PCDHA7: variants seen among roughly 807,000 people sequenced by gnomAD.
PCDHA7 encodes protocadherin alpha 7, also known as protocadherin alpha-7.
PCDHA7 carries 37 observed loss-of-function variants against 57.2 expected under a neutral mutation model. The observed-to-expected ratio is 0.65, with a 90% CI of 0.50 to 0.85. The LOEUF is 0.85. Ranked by LOEUF, PCDHA7 falls within the 40% of genes least tolerant of loss-of-function variation. The probability of loss-of-function intolerance (pLI) is 0.00; values close to 1 mark genes in which losing one functional copy is unlikely to be tolerated. For missense variants in PCDHA7, 1,188 were observed against 1,241.8 expected (o/e 0.96, Z 0.65); for synonymous variants, 553 against 558.8 (o/e 0.99, Z 0.15).
chr5:140,916,561 G>A (rs1038683507), intron 1 of PCDHA7, among the ~76,000 whole-genome samples: 9 of 152,180 alleles, frequency 5.9e-5, no homozygotes, highest in African/African-American at 2.2e-4. Context: ...TTTGTCCAGG[G>A]TGTGTCTAGA....
At chr5:140,892,469 A>T (rs557049666) in intron 1 of PCDHA7, among the ~76,000 whole-genome samples, 1 of 152,184 alleles carries the variant, frequency 6.6e-6, no homozygotes, top group Admixed American at 6.5e-5. Context: ...ACGGTTATTC[A>T]GTTTCCTAGC....
At position 141,010,065 on chromosome 5, in the gene PCDHA7, A is replaced by G; in HGVS notation, c.*128A>G. The stretch of plus-strand genomic sequence containing the variant: ...CTTAGAGACCTCAGAAATCTGCAGA[A>G]AGTTCCCTGTGTCTGTCTAGAACGC... On this transcript the variant is annotated 3_prime_UTR_variant, in exon 4 of 4. Coordinates refer to ENST00000525929, the MANE Select transcript of PCDHA7 (RefSeq NM_018910.3). The G allele has an allele frequency of 1.9e-6, 3 of 1,603,546 alleles. No homozygotes were observed. The highest frequency in any genetic ancestry group is 1.1e-5 in the South Asian group (1 of 89,360).
chr5:140,856,231 C>G, intron 1 of PCDHA7: 1 of 1,597,900 alleles, frequency 6.3e-7, no homozygotes. Flanking sequence ...TGGTGCAGCG[C>G]CTGTTCCGGG....
chr5:140,966,800 G>T, intron 1 of PCDHA7: 1 of 1,540,654 alleles, frequency 6.5e-7, no homozygotes, highest in East Asian at 2.4e-5. Flanking sequence ...TGCGGCGACA[G>T]AGCATCCACG....
At chr5:140,858,366 G>A (rs2045372675) in intron 1 of PCDHA7, 1 of 1,590,834 alleles carries the variant, frequency 6.3e-7, no homozygotes, top group Admixed American at 1.7e-5. Flanking sequence ...TTCAGCCCCA[G>A]CCTTCCACCA....
chr5:140,855,491 A>G (rs251361), intron 1 of PCDHA7, among the ~76,000 whole-genome samples: 72,952 of 149,084 alleles, frequency 0.49, 20,776 homozygotes, highest in South Asian at 0.61. Flanking sequence ...TTAGTGTCTA[A>G]ATAAACCTTA....
chr5:140,869,894 T>A lies in PCDHA7; in HGVS notation c.2355+33156T>A, dbSNP rs1234875307. 5 of 1,610,472 alleles carry A rather than the reference T, an allele frequency of 3.1e-6. No individual in the cohort carries two copies. The African/African-American group carries it at 4.0e-5, about 13-fold the overall frequency. On this transcript the variant is annotated intron_variant, in intron 1 of 3. Coordinates refer to ENST00000525929, the MANE Select transcript of PCDHA7 (RefSeq NM_018910.3). ...GCTAAAGAAACTCTTGTGCTCAAAC[T>A]AAACGCCACAGACCGAGACGAAGGA...
At chr5:140,987,429 G>A (rs1402576200) in intron 3 of PCDHA7, among the ~76,000 whole-genome samples, 1 of 152,096 alleles carries the variant, frequency 6.6e-6, no homozygotes, top group Non-Finnish European at 1.5e-5. Context: ...GAAGCAGGGG[G>A]CCTTTCCCCA....
Position 140,849,909 on chromosome 5 carries a change from T to A in PCDHA7, c.2355+13171T>A. ...CGTGAAGGAGAACAACCCGCCGGGC[T>A]GCCACATCTTCACGGTGTCTGCGCG... On this transcript the variant is annotated intron_variant, in intron 1 of 3. Coordinates refer to ENST00000525929, the MANE Select transcript of PCDHA7 (RefSeq NM_018910.3). The A allele has an allele frequency of 3.8e-6, 6 of 1,598,300 alleles. 2 individuals carry two copies. The highest frequency in any genetic ancestry group is 5.1e-6 in the Non-Finnish European group (6 of 1,167,786).
At chr5:140,847,063 C>T (rs1366357065) in intron 1 of PCDHA7, among the ~76,000 whole-genome samples, 2 of 149,510 alleles carry the variant, frequency 1.3e-5, no homozygotes, top group Non-Finnish European at 3.0e-5. Flanking sequence ...CAGAAAGCAT[C>T]AATATGACAA....
At position 140,878,750 on chromosome 5, in the gene PCDHA7, T is replaced by A. The variant is rs143616284; in HGVS notation, c.2355+42012T>A. ...AGCCTTATATCTACTTTCTTACATATCTTTAGTTTAGGATCTGGAATATAG... is the reference window on the plus strand; with the variant it reads ...AGCCTTATATCTACTTTCTTACATAACTTTAGTTTAGGATCTGGAATATAG... On this transcript the variant is annotated intron_variant, in intron 1 of 3. Coordinates refer to ENST00000525929, the MANE Select transcript of PCDHA7 (RefSeq NM_018910.3). Among the ~76,000 whole-genome samples, 863 of 152,338 alleles carry A rather than the reference T, an allele frequency of 5.7e-3. 5 individuals are homozygous for A. Among genetic ancestry groups the A allele is most frequent in the Middle Eastern group, 0.014 (4 of 294 alleles).
intron 3 of PCDHA7, among the ~76,000 whole-genome samples, chr5:140,992,722 C>T (rs1455058842): frequency 1.3e-5 from 2 of 152,154 alleles, no homozygotes; most frequent in Non-Finnish European, 2.9e-5. Context: ...ATTCGTAAAT[C>T]CCACCTGCTT....
chr5:140,871,117 G>A (rs2052723130), intron 1 of PCDHA7: 1 of 1,613,286 alleles, frequency 6.2e-7, no homozygotes, highest in East Asian at 2.2e-5. Flanking sequence ...GGTGGAGAGC[G>A]GACAGGCGCC....
At chr5:140,944,197 T>C (rs1404957342) in intron 1 of PCDHA7, among the ~76,000 whole-genome samples, 2 of 152,120 alleles carry the variant, frequency 1.3e-5, no homozygotes, top group Non-Finnish European at 2.9e-5. Context: ...TTTTGTTTTG[T>C]TTTGTTTTTA....
At chr5:140,884,299 G>A in intron 1 of PCDHA7, 1 of 1,613,736 alleles carries the variant, frequency 6.2e-7, no homozygotes, top group Non-Finnish European at 8.5e-7. Context: ...AAGCGCCACA[G>A]GCTTCGTCGA....
At chr5:140,851,193 G>GT in intron 1 of PCDHA7, 4 of 1,214,324 alleles carry the variant, frequency 3.3e-6, no homozygotes, top group Non-Finnish European at 4.2e-6. Context: ...CAATTTAGTT[G>GT]TTAGTCATTC....
Position 140,870,644 on chromosome 5 carries a change from G to A in PCDHA7, c.2355+33906G>A, listed in dbSNP as rs782672271. ...TACGTGTCGGTGCACGCGGAGAGCG[G>A]CAAGGTGTACGCGCTGCAGCCGTTG... is the stretch of plus-strand genomic sequence containing the variant. On this transcript the variant is annotated intron_variant, in intron 1 of 3. Transcript: ENST00000525929. 8.7e-6 allele frequency: 14 copies of A among 1,612,768 alleles called. No homozygotes were observed. In the South Asian group the frequency reaches 1.4e-4, roughly 16 times the overall value.
At position 140,913,249 on chromosome 5, in the gene PCDHA7, A is replaced by G. The variant is rs1389386272; in HGVS notation, c.2356-65700A>G. ...CTTTGCTGGGAGACTTTTTGTTACA[A>G]CTTTGATCTAATTACTTGTTATTGG... On this transcript the variant is annotated intron_variant, in intron 1 of 3. Transcript: ENST00000525929. Among the ~76,000 whole-genome samples the G allele has an allele frequency of 4.6e-5, 7 of 152,262 alleles. No individual in the cohort carries two copies. The East Asian group carries it at 9.6e-4, about 21-fold the overall frequency.
At chr5:140,844,807 A>G (rs2150373870) in intron 1 of PCDHA7, among the ~76,000 whole-genome samples, 3 of 148,778 alleles carry the variant, frequency 2.0e-5, no homozygotes, top group Non-Finnish European at 3.0e-5. Context: ...TCTTTCTTTT[A>G]TTTCTTCTTG....
Sources: gnomAD v4.1 joint callset for allele counts (sites outside exome capture counted in the v4.1 genomes callset) on GRCh38, gnomAD v4.1.1 for gene constraint, MANE v1.5 for transcripts, NCBI Gene and HGNC (gene_info 2026-07-23, HGNC 2026-07-21) for gene names.